The following ZIK1 variants were observed in gnomAD, a reference collection of about 807,000 sequenced individuals.
ZIK1 encodes the protein zinc finger protein interacting with ribonucleoprotein K.
In ZIK1, 12 loss-of-function variants were observed where a neutral mutation model predicts 10.7. That is an observed-to-expected ratio of 1.12 (90% CI 0.72 to 1.81). ZIK1 has a LOEUF of 1.81. Ranked by LOEUF, ZIK1 falls within the 40% of genes most tolerant of loss-of-function variation. The pLI is 0.00. For synonymous variants in ZIK1, 190 were observed against 205.0 expected (o/e 0.93, Z 0.63); for missense variants, 497 against 585.7 (o/e 0.85, Z 1.56).
At chr19:57,585,136 T>C in intron 2 of ZIK1, 146 bp downstream of exon 2, 1 of 691,016 alleles carries the variant, frequency 1.4e-6, no homozygotes, top group Non-Finnish European at 2.3e-6. Context: ...CTGGTGGTTA[T>C]TTGTAGACGT....
intron 3 of ZIK1, 106 bp downstream of exon 3, chr19:57,588,771 C>G: frequency 8.2e-7 from 1 of 1,226,890 alleles, no homozygotes; most frequent in Non-Finnish European, 1.1e-6. Flanking sequence ...TGTGCACTGC[C>G]TGAGTAGCCC....
chr19:57,585,400 CA>C (rs1186391078), intron 2 of ZIK1, among the ~76,000 whole-genome samples: 2 of 152,152 alleles, frequency 1.3e-5, no homozygotes, highest in Non-Finnish European at 2.9e-5. Context: ...CTGGTCTCAT[CA>C]GGTTCACTGT....
At position 57,588,479 on chromosome 19, in the gene ZIK1, C is replaced by T. The variant is rs1195027748; in HGVS notation, c.73-60C>T. ...TATTTCCTTAAGGTGGGGATGATTG[C>T]GTGGGTGGATGAACTTGTGGAGGCG... On this transcript the variant is annotated intron_variant, in intron 2 of 3. Transcript: ENST00000597850. The T allele has an allele frequency of 3.1e-5, 43 of 1,380,034 alleles. No homozygotes were observed. In the South Asian group the frequency reaches 3.2e-4, roughly 10 times the overall value. The allele number at this position is 1,380,034 out of a possible 1,614,324, so 85.5% of individuals were successfully genotyped here. A position where few individuals can be genotyped will look rare whatever the true frequency, so the allele number is the denominator to read the frequency against.
intron 2 of ZIK1, among the ~76,000 whole-genome samples, chr19:57,587,914 A>C (rs1979309183): frequency 2.0e-5 from 3 of 151,948 alleles, no homozygotes; most frequent in Admixed American, 2.0e-4. Context: ...AAGAGGTGAG[A>C]AGAAGGTTGT....
In ZIK1 at chr19:57,593,483, A is replaced by G. The variant is rs1979880415; in HGVS notation, c.*2208A>G. The stretch of plus-strand genomic sequence containing the variant: ...TTGGGCTGTTGCAAATAATGCTACT[A>G]TGAACATAGGCATATAACTCTTAAT... On this transcript the variant is annotated 3_prime_UTR_variant, in exon 4 of 4. Coordinates refer to ENST00000597850, the MANE Select transcript of ZIK1 (RefSeq NM_001010879.4). 1 of 152,204 alleles carries G rather than the reference A, an allele frequency of 6.6e-6. No homozygotes were observed. Among genetic ancestry groups the G allele is most frequent in the Admixed American group, 6.5e-5 (1 of 15,276 alleles). 9.4% of individuals were successfully genotyped at this position (152,204 alleles called of 1,614,324 possible).
intron 1 of ZIK1, 65 bp from the exon 2 acceptor site, chr19:57,584,887 G>A (rs1373555224): frequency 8.3e-6 from 13 of 1,575,272 alleles, no homozygotes; most frequent in Non-Finnish European, 1.1e-5. Flanking sequence ...CAGGAATCCA[G>A]GGAAGCCTGA....
chr19:57,584,660 T>A, intron 1 of ZIK1: 2 of 1,381,256 alleles, frequency 1.4e-6, no homozygotes, highest in Non-Finnish European at 1.9e-6. Flanking sequence ...CCGTGGAGGG[T>A]TGTGTACAGA....
Position 57,587,368 on chromosome 19 carries a change from G to A in ZIK1, c.73-1171G>A, listed in dbSNP as rs752691265. On this transcript the variant is annotated intron_variant, in intron 2 of 3. Transcript: ENST00000597850. Reference sequence around the variant, plus strand: ...GCCAGGTACAGTGGACTGTGTCCCCGCAAAATTCATATGCTTAAAGCCTAA... The same window carrying A: ...GCCAGGTACAGTGGACTGTGTCCCCACAAAATTCATATGCTTAAAGCCTAA... Among the ~76,000 whole-genome samples the A allele has an allele frequency of 7.2e-5, 11 of 152,274 alleles. No homozygotes were observed. In the South Asian group the frequency reaches 1.2e-3, roughly 17 times the overall value.
chr19:57,585,988 C>T (rs1442632290), intron 2 of ZIK1, among the ~76,000 whole-genome samples: 4 of 151,648 alleles, frequency 2.6e-5, no homozygotes, highest in African/African-American at 7.3e-5. Context: ...CTGTCTTGGC[C>T]TCCCAAAGTG....
In ZIK1 at chr19:57,591,133, G is replaced by C. The variant is rs1979663895; in HGVS notation, c.1322G>C (p.Gly441Ala). ...AGGCCTTATGAGTGTGGCCAGTGTG[G>C]AAAGTCCTTTAGCCAAAAGTCTGGT... ...GARPYECGQC[G>A]KSFSQKSGLI... The change falls in exon 4 of 4, where the codon GGA (glycine) becomes GCA (alanine). Residue 441 changes from glycine (G) to alanine (A), a missense_variant. By Grantham distance (60) the Gly-to-Ala change is moderately conservative. Coordinates refer to ENST00000597850, the MANE Select transcript of ZIK1 (RefSeq NM_001010879.4). The C allele has an allele frequency of 1.9e-6, 3 of 1,614,060 alleles. No individual in the cohort carries two copies. Among genetic ancestry groups the C allele is most frequent in the South Asian group, 1.1e-5 (1 of 91,094 alleles).
Position 57,592,277 on chromosome 19 carries a change from T to A in ZIK1, c.*1002T>A, listed in dbSNP as rs974070355. ...AACGCGAGTCACATGTGAACTGTAA[T>A]TGGTACAGAAATACCTGGGTATTTC... is the stretch of plus-strand genomic sequence containing the variant. On this transcript the variant is annotated 3_prime_UTR_variant, in exon 4 of 4. Coordinates refer to ENST00000597850, the MANE Select transcript of ZIK1 (RefSeq NM_001010879.4). 2 of 152,068 alleles carry A rather than the reference T, an allele frequency of 1.3e-5. No individual in the cohort carries two copies. Among genetic ancestry groups the A allele is most frequent in the African/African-American group, 4.8e-5 (2 of 41,418 alleles). The allele number at this position is 152,068 out of a possible 1,614,324, so 9.4% of individuals were successfully genotyped here.
At position 57,588,672 on chromosome 19, in the gene ZIK1, C is replaced by T; in HGVS notation, c.199+7C>T. ...GCCCTTGTAGCCTCACTGGGTAAGG[C>T]CCTAATACCAACTCCAGTGTCCTGG... On this transcript the variant is annotated splice_region_variant and intron_variant, in intron 3 of 3. Transcript: ENST00000597850. The T allele has an allele frequency of 6.6e-7, 1 of 1,525,166 alleles. No individual in the cohort carries two copies. The highest frequency in any genetic ancestry group is 8.8e-7 in the Non-Finnish European group (1 of 1,132,394). 94.5% of individuals were successfully genotyped at this position (1,525,166 alleles called of 1,614,324 possible). A position where few individuals can be genotyped will look rare whatever the true frequency, so the allele number is the denominator to read the frequency against.
At position 57,592,270 on chromosome 19, in the gene ZIK1, A is replaced by G. The variant is rs961442364; in HGVS notation, c.*995A>G. ...AGAAGACAACGCGAGTCACATGTGA[A>G]CTGTAATTGGTACAGAAATACCTGG... On this transcript the variant is annotated 3_prime_UTR_variant, in exon 4 of 4. Transcript: ENST00000597850. 2.0e-5 allele frequency: 3 copies of G among 152,112 alleles called. No individual in the cohort carries two copies. Among genetic ancestry groups the G allele is most frequent in the African/African-American group, 7.2e-5 (3 of 41,418 alleles). 9.4% of individuals were successfully genotyped at this position (152,112 alleles called of 1,614,324 possible).
At chr19:57,589,498 GCTT>G in intron 3 of ZIK1, 2 of 985,344 alleles carry the variant, frequency 2.0e-6, no homozygotes, top group Non-Finnish European at 2.4e-6. Flanking sequence ...TGCATCATCT[GCTT>G]CTCTGCACTG....
At chr19:57,584,898 A>G (rs546244398) in intron 1 of ZIK1, 54 bp from the exon 2 acceptor site, 5 of 1,591,422 alleles carry the variant, frequency 3.1e-6, no homozygotes, top group Non-Finnish European at 4.3e-6. Flanking sequence ...GGAAGCCTGA[A>G]TCCGTAGAGC....
chr19:57,591,308 C>A lies in ZIK1; in HGVS notation c.*33C>A. On this transcript the variant is annotated 3_prime_UTR_variant, in exon 4 of 4. Transcript: ENST00000597850. ...ATGAATGCAGCAAATGTGGAAGCGC[C>A]TTCAACTCAAGATCTATCATCATTT... is the stretch of plus-strand genomic sequence containing the variant. The A allele has an allele frequency of 6.4e-7, 1 of 1,564,478 alleles. No homozygotes were observed. Among genetic ancestry groups the A allele is most frequent in the Non-Finnish European group, 8.7e-7 (1 of 1,155,452 alleles).
chr19:57,589,331 C>T (rs1158220457), intron 3 of ZIK1: 1 of 985,298 alleles, frequency 1.0e-6, no homozygotes, highest in African/African-American at 1.7e-5. Flanking sequence ...TTTCCGATCA[C>T]ATAAGGAGCC....
chr19:57,590,895 C>T lies in ZIK1; in HGVS notation c.1084C>T (p.Gln362Ter). The T allele has an allele frequency of 6.2e-7, 1 of 1,614,022 alleles. No individual in the cohort carries two copies. The highest frequency in any genetic ancestry group is 8.5e-7 in the Non-Finnish European group (1 of 1,180,000). The change falls in exon 4 of 4, where the codon CAA (glutamine) becomes TAA (stop). Residue 362 changes from glutamine (Q) to a stop codon, truncating the protein, a stop_gained. Coordinates refer to ENST00000597850, the MANE Select transcript of ZIK1 (RefSeq NM_001010879.4). LOFTEE classifies it low-confidence loss of function (END_TRUNC). ...TGGTGAATGTGGGAATTCCTTTAGT[C>T]AAAGTGCCATTCTTAATCAACACCG... is the stretch of plus-strand genomic sequence containing the variant. ...KCGECGNSFS[Q>*]SAILNQHRRI...
intron 2 of ZIK1, among the ~76,000 whole-genome samples, chr19:57,587,836 C>T (rs1979302971): frequency 6.6e-6 from 1 of 152,008 alleles, no homozygotes; most frequent in African/African-American, 2.4e-5. Context: ...CTGTATGAGT[C>T]ATTAGGTTGG....
Sources: allele counts gnomAD v4.1 joint callset (sites outside exome capture counted in the v4.1 genomes callset), GRCh38; gene constraint gnomAD v4.1.1; transcripts MANE v1.5; gene names NCBI Gene and HGNC (gene_info 2026-07-23, HGNC 2026-07-21).